The following MYRIP variants were observed in gnomAD, a reference collection of about 807,000 sequenced individuals.
MYRIP encodes rab effector MyRIP.
A neutral mutation model predicts 98.0 loss-of-function variants in MYRIP; 49 were observed. The ratio of observed to expected loss-of-function variants is 0.50; its 90% CI spans 0.40 to 0.63. The LOEUF is 0.63. Among genes scored for constraint, MYRIP ranks in the 30% least tolerant of loss-of-function variants. The probability of loss-of-function intolerance (pLI) is 0.00; values close to 1 mark genes in which losing one functional copy is unlikely to be tolerated. For missense variants in MYRIP, 1,004 were observed against 1,058.2 expected, an observed-to-expected ratio of 0.95 and a Z score of 0.71; for synonymous variants, 404 against 409.5, an observed-to-expected ratio of 0.99 and a Z score of 0.16.
rs146953533 is a variant in MYRIP, at chr3:40,182,467, C to T, written c.1027+94C>T. Reference sequence around the variant, plus strand: ...ATTGCATGGCCACTCTGCTCTTCTTCCCATAAGTCTGAACTGGTGTGTGTC... The same window carrying T: ...ATTGCATGGCCACTCTGCTCTTCTTTCCATAAGTCTGAACTGGTGTGTGTC... On this transcript the variant is annotated intron_variant, in intron 9 of 16. Coordinates refer to ENST00000302541, the MANE Select transcript of MYRIP (RefSeq NM_015460.4). 44 of 1,412,940 alleles carry T rather than the reference C, an allele frequency of 3.1e-5. No individual in the cohort carries two copies. The African/African-American group carries it at 3.7e-4, about 12-fold the overall frequency. The allele number at this position is 1,412,940 out of a possible 1,614,324, so 87.5% of individuals were successfully genotyped here. A position where few individuals can be genotyped will look rare whatever the true frequency, so the allele number is the denominator to read the frequency against.
intron 16 of MYRIP, among the ~76,000 whole-genome samples, chr3:40,254,855 C>T (rs942868220): frequency 2.0e-5 from 3 of 152,106 alleles, no homozygotes; most frequent in East Asian, 1.9e-4. Context: ...ACCAGTTAAG[C>T]GGAGGGCAGA....
chr3:39,989,395 G>A (rs1404637685), intron 2 of MYRIP, among the ~76,000 whole-genome samples: 3 of 152,130 alleles, frequency 2.0e-5, no homozygotes, highest in African/African-American at 7.2e-5. Context: ...AGCAAAGATG[G>A]GTGCCTGCTC....
chr3:40,167,518 G>C (rs1055706407), intron 7 of MYRIP, among the ~76,000 whole-genome samples: 1 of 152,154 alleles, frequency 6.6e-6, no homozygotes, highest in African/African-American at 2.4e-5. Flanking sequence ...AAAACTCTGT[G>C]GCTTTTGACA....
At position 39,921,881 on chromosome 3, in the gene MYRIP, C is replaced by CAAAAAAA. The variant is rs34179419; in HGVS notation, c.110+20971_110+20977dup. On this transcript the variant is annotated intron_variant, in intron 2 of 16. Coordinates refer to ENST00000302541, the MANE Select transcript of MYRIP (RefSeq NM_015460.4). Reference sequence around the variant, plus strand: ...TGGGCTACAGAGCAAGACTCCGTCTCAAAAAAAAAAAAAAAAAAAAAAGTG... The same window carrying CAAAAAAA: ...TGGGCTACAGAGCAAGACTCCGTCTCAAAAAAAAAAAAAAAAAAAAAAAAAAAAAGTG... 7.9e-5 allele frequency among the ~76,000 whole-genome samples: 6 copies of CAAAAAAA among 75,886 alleles called. 1 individual carries two copies. Among genetic ancestry groups the CAAAAAAA allele is most frequent in the African/African-American group, 1.1e-4 (2 of 18,842 alleles). 49.8% of individuals were successfully genotyped at this position (75,886 alleles called of 152,430 possible).
At chr3:40,234,163 C>CACA in intron 12 of MYRIP, 110 bp downstream of exon 12, 7 of 1,054,326 alleles carry the variant, frequency 6.6e-6, no homozygotes, top group Non-Finnish European at 9.2e-6. Flanking sequence ...CACACACACA[C>CACA]CACTACCACT....
chr3:40,181,746 C>T (rs1950887278), intron 8 of MYRIP, among the ~76,000 whole-genome samples: 1 of 152,000 alleles, frequency 6.6e-6, no homozygotes, highest in African/African-American at 2.4e-5. Flanking sequence ...GCCACTTATC[C>T]TTAGGTTAGA....
At chr3:40,109,057 T>G (rs542068715) in intron 3 of MYRIP, among the ~76,000 whole-genome samples, 2 of 152,318 alleles carry the variant, frequency 1.3e-5, no homozygotes, top group East Asian at 3.9e-4. Flanking sequence ...TTCCCTTTTC[T>G]CATCTGTTCC....
At chr3:40,050,178 C>T (rs541494949) in intron 3 of MYRIP, among the ~76,000 whole-genome samples, 1 of 152,212 alleles carries the variant, frequency 6.6e-6, no homozygotes, top group South Asian at 2.1e-4. Flanking sequence ...ACAAAACAGC[C>T]TTTTACTGGA....
chr3:40,219,273 A>C (rs1266402627), intron 11 of MYRIP, among the ~76,000 whole-genome samples: 1 of 152,232 alleles, frequency 6.6e-6, no homozygotes, highest in African/African-American at 2.4e-5. Context: ...GAAAGGCCAG[A>C]AACCTTAAAG....
chr3:40,201,512 G>T (rs1165292787), intron 10 of MYRIP, among the ~76,000 whole-genome samples: 2 of 152,134 alleles, frequency 1.3e-5, no homozygotes, highest in Non-Finnish European at 2.9e-5. Context: ...AAGCCTTCCA[G>T]ATGACATCCT....
At chr3:39,973,950 A>T (rs1293747620) in intron 2 of MYRIP, among the ~76,000 whole-genome samples, 2 of 152,226 alleles carry the variant, frequency 1.3e-5, no homozygotes, top group Non-Finnish European at 2.9e-5. Flanking sequence ...AGAAAGCAGG[A>T]AAGATCTAAA....
chr3:40,000,099 C>T (rs1946479921), intron 2 of MYRIP, among the ~76,000 whole-genome samples: 1 of 151,690 alleles, frequency 6.6e-6, no homozygotes, highest in African/African-American at 2.4e-5. Flanking sequence ...ATGGGTGCAG[C>T]ACACCAACAT....
chr3:40,227,764 T>G (rs555556276), intron 11 of MYRIP, among the ~76,000 whole-genome samples: 38 of 152,304 alleles, frequency 2.5e-4, no homozygotes, highest in African/African-American at 8.4e-4. Context: ...GAAGTGTGCC[T>G]GCAGAGCAGG....
chr3:39,881,214 C>A (rs1205315934), intron 1 of MYRIP, among the ~76,000 whole-genome samples: 5 of 147,076 alleles, frequency 3.4e-5, no homozygotes, highest in Non-Finnish European at 4.5e-5. Context: ...GCATTACACC[C>A]ATTTCTTCTG....
At chr3:39,860,125 A>T (rs1349708246) in intron 1 of MYRIP, among the ~76,000 whole-genome samples, 1 of 152,240 alleles carries the variant, frequency 6.6e-6, no homozygotes, top group African/African-American at 2.4e-5. Flanking sequence ...ACACACACAT[A>T]CACAAAACTG....
chr3:39,948,763 A>G (rs558703651), intron 2 of MYRIP, among the ~76,000 whole-genome samples: 171 of 152,278 alleles, frequency 1.1e-3, no homozygotes, highest in Non-Finnish European at 1.7e-3. Context: ...GAGAATTTCC[A>G]ACAGTTGATG....
At chr3:40,109,685 T>C (rs1298106401) in intron 3 of MYRIP, among the ~76,000 whole-genome samples, 1 of 152,178 alleles carries the variant, frequency 6.6e-6, no homozygotes, top group Non-Finnish European at 1.5e-5. Context: ...CCTGTGTCCT[T>C]CTTCCTGGCA....
chr3:39,843,960 A>C (rs1288093748), intron 1 of MYRIP, among the ~76,000 whole-genome samples: 1 of 152,182 alleles, frequency 6.6e-6, no homozygotes, highest in Non-Finnish European at 1.5e-5. Context: ...TACCATGTCC[A>C]TTTTGTATGA....
intron 2 of MYRIP, among the ~76,000 whole-genome samples, chr3:39,961,543 G>A (rs964803406): frequency 2.6e-5 from 4 of 152,080 alleles, no homozygotes; most frequent in Admixed American, 2.0e-4. Context: ...AAAGGAACAT[G>A]TTGAGTCTGG....
Sources: gnomAD v4.1 joint callset for allele counts (sites outside exome capture counted in the v4.1 genomes callset) on GRCh38, gnomAD v4.1.1 for gene constraint, MANE v1.5 for transcripts, NCBI Gene and HGNC (gene_info 2026-07-23, HGNC 2026-07-21) for gene names.